KIF23: variants seen among roughly 807,000 people sequenced by gnomAD.
The protein encoded by KIF23 is kinesin family member 23.
In KIF23, 30 loss-of-function variants were observed where a neutral mutation model predicts 137.5. The ratio of observed to expected loss-of-function variants is 0.22; its 90% CI spans 0.16 to 0.30. KIF23 has a LOEUF of 0.30. Ranked by LOEUF, KIF23 falls within the 10% of genes least tolerant of loss-of-function variation. KIF23 has a pLI of 1.00. For synonymous variants in KIF23, 367 were observed against 391.1 expected, an observed-to-expected ratio of 0.94 and a Z score of 0.73; for missense variants, 920 against 1,194.3, an observed-to-expected ratio of 0.77 and a Z score of 3.38.
At chr15:69,445,901 G>C in intron 20 of KIF23, 108 bp from the exon 21 acceptor site, 2 of 818,668 alleles carry the variant, frequency 2.4e-6, no homozygotes, top group Non-Finnish European at 4.0e-6. Flanking sequence ...TGATTTTGTG[G>C]ATGGGAATTT....
intron 13 of KIF23, 41 bp from the exon 14 acceptor site, chr15:69,436,097 A>G (rs1330285454): frequency 5.6e-6 from 9 of 1,596,910 alleles, no homozygotes; most frequent in East Asian, 2.2e-5. Context: ...GGACTTGGAT[A>G]TCCTTATTTT....
chr15:69,430,802 G>A (rs1181850439), intron 11 of KIF23, among the ~76,000 whole-genome samples: 1 of 152,172 alleles, frequency 6.6e-6, no homozygotes, highest in Non-Finnish European at 1.5e-5. Flanking sequence ...TAAGGGTCTA[G>A]TGTGTATGAT....
At chr15:69,422,904 G>A (rs1000860607) in intron 6 of KIF23, 14 of 329,160 alleles carry the variant, frequency 4.3e-5, no homozygotes, top group South Asian at 3.3e-4. Flanking sequence ...AGGTTCAAAC[G>A]ATCCTCCTGC....
rs768451019 is a variant in KIF23, at chr15:69,446,349, C to T, written c.2823C>T (p.Thr941=). The T allele has an allele frequency of 5.6e-6, 9 of 1,613,672 alleles. No homozygotes were observed. Among genetic ancestry groups the T allele is most frequent in the East Asian group, 2.2e-5 (1 of 44,886 alleles). ...CAGATGGTGCAGAGTCTGAATGGACCGATGTAGAAACAAGGGTAGGGGAAA... is the reference window on the plus strand; with the variant it reads ...CAGATGGTGCAGAGTCTGAATGGACTGATGTAGAAACAAGGGTAGGGGAAA... ...AQPDGAESEW[T]DVETRCSVAV... The change falls in exon 22 of 24, where the codon ACC becomes ACT. Residue 941 remains threonine (T), a synonymous_variant. Transcript: ENST00000679126.
At chr15:69,437,063 A>G (rs2057501315) in intron 15 of KIF23, among the ~76,000 whole-genome samples, 1 of 152,190 alleles carries the variant, frequency 6.6e-6, no homozygotes, top group Non-Finnish European at 1.5e-5. Context: ...CCAATTTGCA[A>G]TAATTGTAAC....
At chr15:69,416,999 A>G (rs2056932185) in intron 2 of KIF23, among the ~76,000 whole-genome samples, 1 of 152,128 alleles carries the variant, frequency 6.6e-6, no homozygotes, top group Non-Finnish European at 1.5e-5. Flanking sequence ...TGTTGGGTTA[A>G]GCTGACAAGT....
At chr15:69,426,532 A>G in intron 10 of KIF23, 75 bp downstream of exon 10, 1 of 1,520,770 alleles carries the variant, frequency 6.6e-7, no homozygotes, top group South Asian at 1.2e-5. Flanking sequence ...AATCCAGCCA[A>G]CATGGCAAAA....
At chr15:69,437,842 T>A (rs1285994950) in intron 15 of KIF23, among the ~76,000 whole-genome samples, 3 of 152,166 alleles carry the variant, frequency 2.0e-5, no homozygotes, top group African/African-American at 7.2e-5. Flanking sequence ...CATACTGAAA[T>A]GAAATTTGCC....
At chr15:69,439,211 C>T (rs2057554818) in intron 16 of KIF23, among the ~76,000 whole-genome samples, 1 of 151,702 alleles carries the variant, frequency 6.6e-6, no homozygotes, top group African/African-American at 2.4e-5. Flanking sequence ...AGAGTTTTAA[C>T]AGTTGAAAAG....
At chr15:69,447,087 T>C (rs1451823938) in intron 23 of KIF23, 146 bp downstream of exon 23, 2 of 725,336 alleles carry the variant, frequency 2.8e-6, no homozygotes, top group Non-Finnish European at 4.9e-6. Context: ...TGGGCCTCCA[T>C]GGGCAGACTG....
At chr15:69,428,502 C>G (rs1318572088) in intron 10 of KIF23, among the ~76,000 whole-genome samples, 1 of 149,164 alleles carries the variant, frequency 6.7e-6, no homozygotes, top group African/African-American at 2.5e-5. Flanking sequence ...ACCAAAAATA[C>G]AAAAAAAATG....
At chr15:69,415,370 C>T (rs914551568) in intron 1 of KIF23, among the ~76,000 whole-genome samples, 1 of 152,138 alleles carries the variant, frequency 6.6e-6, no homozygotes, top group African/African-American at 2.4e-5. Context: ...AATAATCTTA[C>T]TTAATTTTAA....
intron 17 of KIF23, 64 bp from the exon 18 acceptor site, chr15:69,440,244 G>A (rs1447377916): frequency 1.3e-6 from 2 of 1,537,022 alleles, no homozygotes; most frequent in African/African-American, 2.8e-5. Context: ...AAGAGATTGG[G>A]TAATCTGGTG....
chr15:69,439,097 C>CAA (rs35730014), intron 16 of KIF23, among the ~76,000 whole-genome samples: 5 of 110,818 alleles, frequency 4.5e-5, no homozygotes, highest in African/African-American at 9.7e-5. Flanking sequence ...GAGCCTGTCT[C>CAA]AAAAAAAAAA....
At position 69,435,556 on chromosome 15, in the gene KIF23, T is replaced by C; in HGVS notation, c.1188T>C (p.Thr396=). 6.2e-7 allele frequency: 1 copy of C among 1,614,102 alleles called. No individual in the cohort carries two copies. The highest frequency in any genetic ancestry group is 1.1e-5 in the South Asian group (1 of 91,064). ...DVLRENQMYG[T]NKMVPYRDSK... ...TAAGAGAGAACCAAATGTATGGAAC[T>C]AACAAGGTAAGCAGCAGCCTTCTCT... Residue 396 remains threonine, a synonymous_variant, in exon 12 of 24, where the codon ACT becomes ACC. Coordinates refer to ENST00000679126, the MANE Select transcript of KIF23 (RefSeq NM_001367805.3).
chr15:69,425,418 T>C lies in KIF23; in HGVS notation c.776+95T>C, dbSNP rs181687902. The C allele has an allele frequency of 2.7e-4, 299 of 1,099,250 alleles. 1 individual carries two copies. The African/African-American group carries it at 4.2e-3, about 16-fold the overall frequency. The allele number at this position is 1,099,250 out of a possible 1,614,324, so 68.1% of individuals were successfully genotyped here. A position where few individuals can be genotyped will look rare whatever the true frequency, so the allele number is the denominator to read the frequency against. Reference sequence around the variant, plus strand: ...ATGTTTGCATGTAGGTTATTTTCCATTGTCACTGGGCTGGCTGCTGTCTCT... The same window carrying C: ...ATGTTTGCATGTAGGTTATTTTCCACTGTCACTGGGCTGGCTGCTGTCTCT... On this transcript the variant is annotated intron_variant, in intron 8 of 23. Transcript: ENST00000679126.
intron 13 of KIF23, 95 bp from the exon 14 acceptor site, chr15:69,436,043 A>T (rs980880035): frequency 2.4e-5 from 36 of 1,496,394 alleles, no homozygotes; most frequent in Non-Finnish European, 3.2e-5. Context: ...GACTGTCTCA[A>T]ATAAATAAAA....
At chr15:69,427,474 AT>A (rs1284741569) in intron 10 of KIF23, 1 of 453,670 alleles carries the variant, frequency 2.2e-6, no homozygotes, top group Non-Finnish European at 4.4e-6. Context: ...TAAGACTGTG[AT>A]TTTTTCTCTC....
At position 69,423,145 on chromosome 15, in the gene KIF23, T is replaced by TC. The variant is rs752439408; in HGVS notation, c.564-14_564-13insC. The stretch of plus-strand genomic sequence containing the variant: ...GGACTTATAACGTATACAATTGAAC[T>TC]TTTCTTTTTTTAGACGACAAGTAGA... On this transcript the variant is annotated splice_polypyrimidine_tract_variant and intron_variant, in intron 6 of 23. Transcript: ENST00000679126. 8 of 1,463,642 alleles carry TC rather than the reference T, an allele frequency of 5.5e-6. No individual in the cohort carries two copies. In the East Asian group the frequency reaches 1.9e-4, roughly 35 times the overall value. 90.7% of individuals were successfully genotyped at this position (1,463,642 alleles called of 1,614,324 possible). A position where few individuals can be genotyped will look rare whatever the true frequency, so the allele number is the denominator to read the frequency against.
Sources: allele counts gnomAD v4.1 joint callset (sites outside exome capture counted in the v4.1 genomes callset), GRCh38; gene constraint gnomAD v4.1.1; transcripts MANE v1.5; gene names NCBI Gene and HGNC (gene_info 2026-07-23, HGNC 2026-07-21).